The following RPGRIP1 variants were observed in gnomAD, a reference collection of about 807,000 sequenced individuals.
RPGRIP1 encodes the protein X-linked retinitis pigmentosa GTPase regulator-interacting protein 1.
In RPGRIP1, 128 loss-of-function variants were observed where a neutral mutation model predicts 157.9. The ratio of observed to expected loss-of-function variants is 0.81; its 90% CI spans 0.70 to 0.94. The LOEUF is 0.94. RPGRIP1 is among the 40% of genes least tolerant of loss of function. RPGRIP1 has a pLI of 0.00. For missense variants in RPGRIP1, 1,486 were observed against 1,545.8 expected (o/e 0.96, Z 0.65); for synonymous variants, 554 against 571.6 (o/e 0.97, Z 0.44).
rs375834040 is a variant in RPGRIP1, at chr14:21,310,660, C to A, written c.930+53C>A. On this transcript the variant is annotated intron_variant, in intron 8 of 24. Coordinates refer to ENST00000400017, the MANE Select transcript of RPGRIP1 (RefSeq NM_020366.4). ...TCTTAGTAACCAGAATAATCAAACC[C>A]AAAGAAATCTATGTTCATCTCCAAG... 11 of 1,054,454 alleles carry A rather than the reference C, an allele frequency of 1.0e-5. No homozygotes were observed. In the South Asian group the frequency reaches 1.1e-4, roughly 10 times the overall value. 65.3% of individuals were successfully genotyped at this position (1,054,454 alleles called of 1,614,324 possible).
At chr14:21,315,523 A>G (rs1881742773) in intron 10 of RPGRIP1, among the ~76,000 whole-genome samples, 1 of 112,584 alleles carries the variant, frequency 8.9e-6, no homozygotes, top group South Asian at 3.3e-4. Flanking sequence ...AAAAAAAACA[A>G]AAAACTTAAA....
rs1338535431 is a variant in RPGRIP1 at position 21,288,467 on chromosome 14, C to A, written c.85+406C>A. ...AAGGGCTGGTATTACAGGTGTGAGCCACTGTGCCTGGCCCTCTTCTCACAT... is the reference window on the plus strand; with the variant it reads ...AAGGGCTGGTATTACAGGTGTGAGCAACTGTGCCTGGCCCTCTTCTCACAT... On this transcript the variant is annotated intron_variant, in intron 2 of 24. Coordinates refer to ENST00000400017, the MANE Select transcript of RPGRIP1 (RefSeq NM_020366.4). Among the ~76,000 whole-genome samples the A allele has an allele frequency of 4.6e-5, 7 of 151,290 alleles. No individual in the cohort carries two copies. In the Admixed American group the frequency reaches 4.6e-4, roughly 10 times the overall value.
chr14:21,318,021 A>G, intron 11 of RPGRIP1, 171 bp downstream of exon 11: 1 of 704,254 alleles, frequency 1.4e-6, no homozygotes, highest in East Asian at 2.7e-5. Flanking sequence ...ACAATCAGGA[A>G]AACATGACAC....
At chr14:21,348,107 C>A in intron 23 of RPGRIP1, 65 bp from the exon 24 acceptor site, 4 of 1,280,602 alleles carry the variant, frequency 3.1e-6, no homozygotes, top group Non-Finnish European at 4.2e-6. Context: ...TTACTTTTAT[C>A]CTTATTTTAT....
At position 21,301,121 on chromosome 14, in the gene RPGRIP1, A is replaced by C; in HGVS notation, c.374A>C (p.Gln125Pro). The change falls in exon 4 of 25, where the codon CAA becomes CCA. Residue 125 changes from glutamine to proline, a missense_variant. Coordinates refer to ENST00000400017, the MANE Select transcript of RPGRIP1 (RefSeq NM_020366.4). ...MHQRPQMHRLQGHFHCVGPAS... is the reference protein window; with the variant it reads ...MHQRPQMHRLPGHFHCVGPAS... ...CAGCGCCCCCAGATGCACCGACTGC[A>C]AGGGCATTTCCACTGCGTCGGCCCT... is the stretch of plus-strand genomic sequence containing the variant. The C allele has an allele frequency of 6.2e-7, 1 of 1,607,618 alleles. No individual in the cohort carries two copies. Among genetic ancestry groups the C allele is most frequent in the Non-Finnish European group, 8.5e-7 (1 of 1,176,962 alleles).
At chr14:21,292,476 A>T (rs992305756) in intron 2 of RPGRIP1, among the ~76,000 whole-genome samples, 4 of 152,110 alleles carry the variant, frequency 2.6e-5, no homozygotes, top group African/African-American at 9.7e-5. Flanking sequence ...ATCTCAGCAC[A>T]TTGGGAGGCC....
intron 21 of RPGRIP1, among the ~76,000 whole-genome samples, chr14:21,340,610 G>T (rs774867576): frequency 6.6e-6 from 1 of 152,024 alleles, no homozygotes; most frequent in Non-Finnish European, 1.5e-5. Flanking sequence ...AGCCGACGTC[G>T]CACCGTTGCA....
rs1199391518 is a variant in RPGRIP1 at position 21,325,333 on chromosome 14, G to C, written c.2317G>C (p.Val773Leu). The change falls in exon 16 of 25, where the codon GTC becomes CTC. Residue 773 changes from valine to leucine, a missense_variant. Val to Leu is a conservative substitution (Grantham distance 32). Transcript: ENST00000400017. ...GTGCAATAAACGAAAGAAAGCCCAG[G>C]TCTACCTGTCAACCGATGTGCTTGG... ...QACNKRKKAQVYLSTDVLGGR... is the reference protein window; with the variant it reads ...QACNKRKKAQLYLSTDVLGGR... 3.1e-6 allele frequency: 5 copies of C among 1,604,012 alleles called. No homozygotes were observed. Among genetic ancestry groups the C allele is most frequent in the Non-Finnish European group, 3.4e-6 (4 of 1,175,158 alleles).
intron 17 of RPGRIP1, among the ~76,000 whole-genome samples, 185 bp downstream of exon 17, chr14:21,326,358 C>A (rs900371548): frequency 3.3e-5 from 5 of 152,194 alleles, no homozygotes; most frequent in Non-Finnish European, 7.3e-5. Context: ...TGTGGAAACA[C>A]TGGCTTCTTC....
At position 21,301,078 on chromosome 14, in the gene RPGRIP1, C is replaced by T; in HGVS notation, c.331C>T (p.Gln111Ter). 3.7e-6 allele frequency: 6 copies of T among 1,612,634 alleles called. No homozygotes were observed. Among genetic ancestry groups the T allele is most frequent in the Non-Finnish European group, 5.1e-6 (6 of 1,179,414 alleles). ...ARRGQKAGWR[Q>*]RLSMHQRPQM... ...GCGCGGGCAGAAGGCGGGATGGCGG[C>T]AGCGCCTCTCCATGCACCAGCGCCC... is the stretch of plus-strand genomic sequence containing the variant. Residue 111 changes from glutamine (Q) to a stop codon, truncating the protein, a stop_gained, in exon 4 of 25, where the codon CAG (glutamine) becomes TAG (stop). Coordinates refer to ENST00000400017, the MANE Select transcript of RPGRIP1 (RefSeq NM_020366.4). LOFTEE classifies it high-confidence loss of function.
chr14:21,300,174 G>A lies in RPGRIP1; in HGVS notation c.219-792G>A, dbSNP rs1050046661. On this transcript the variant is annotated intron_variant, in intron 3 of 24. Coordinates refer to ENST00000400017, the MANE Select transcript of RPGRIP1 (RefSeq NM_020366.4). ...GTATTTTGTGGTTAGGCGTGGTGGC[G>A]CATGCCTGTAATCCCAGCTACTCAG... Among the ~76,000 whole-genome samples the A allele has an allele frequency of 5.3e-5, 8 of 152,178 alleles. No homozygotes were observed. The East Asian group carries it at 5.8e-4, about 11-fold the overall frequency.
intron 1 of RPGRIP1, among the ~76,000 whole-genome samples, chr14:21,284,342 G>A (rs1880228766): frequency 6.6e-6 from 1 of 152,098 alleles, no homozygotes; most frequent in African/African-American, 2.4e-5. Context: ...GAACCTAAAG[G>A]TAGGAACAGA....
At chr14:21,297,877 C>CTTTCTTTCTTTCTTT (rs1555365066) in intron 3 of RPGRIP1, among the ~76,000 whole-genome samples, 1 of 150,056 alleles carries the variant, frequency 6.7e-6, no homozygotes, top group African/African-American at 2.5e-5. Context: ...TTCTTTCTTT[C>CTTTCTTTCTTTCTTT]TTTTTTTTGA....
intron 3 of RPGRIP1, among the ~76,000 whole-genome samples, chr14:21,297,262 T>C (rs1012220663): frequency 2.0e-5 from 3 of 151,954 alleles, no homozygotes; most frequent in Non-Finnish European, 2.9e-5. Flanking sequence ...GCCTGACTAA[T>C]TTTTGTATTT....
At position 21,314,541 on chromosome 14, in the gene RPGRIP1, C is replaced by A. The variant is rs528578293; in HGVS notation, c.1151+2035C>A. Among the ~76,000 whole-genome samples the A allele has an allele frequency of 5.8e-4, 88 of 150,962 alleles. 1 individual carries two copies. The highest frequency in any genetic ancestry group is 1.9e-3 in the African/African-American group (80 of 41,130). ...CTGAGGCAGGAGGATCGCTGGAGCT[C>A]AGGAGTTCACGACCAGCCTGGGCAA... On this transcript the variant is annotated intron_variant, in intron 10 of 24. Transcript: ENST00000400017.
intron 4 of RPGRIP1, among the ~76,000 whole-genome samples, chr14:21,301,480 A>G (rs937426085): frequency 1.6e-4 from 24 of 152,020 alleles, no homozygotes; most frequent in Non-Finnish European, 2.9e-4. Context: ...GATGGAGACC[A>G]TCCTTGTCCA....
chr14:21,325,743 A>G, intron 16 of RPGRIP1, 88 bp from the exon 17 acceptor site: 2 of 972,192 alleles, frequency 2.1e-6, no homozygotes, highest in Non-Finnish European at 3.1e-6. Flanking sequence ...TCTCTAGATC[A>G]TAGCTCTTCC....
In RPGRIP1 at chr14:21,325,324, A is replaced by C. The variant is rs745694912; in HGVS notation, c.2308A>C (p.Lys770Gln). ...PSLQACNKRK[K>Q]AQVYLSTDVL... ...CCTACAGGCGTGCAATAAACGAAAG[A>C]AAGCCCAGGTCTACCTGTCAACCGA... Residue 770 changes from lysine to glutamine, a missense_variant, in exon 16 of 25, where the codon AAA becomes CAA. Physicochemically the swap from Lys to Gln is moderately conservative, Grantham distance 53. Coordinates refer to ENST00000400017, the MANE Select transcript of RPGRIP1 (RefSeq NM_020366.4). The C allele has an allele frequency of 1.2e-6, 2 of 1,607,498 alleles. No homozygotes were observed. Among genetic ancestry groups the C allele is most frequent in the Non-Finnish European group, 1.7e-6 (2 of 1,176,834 alleles).
intron 23 of RPGRIP1, 82 bp from the exon 24 acceptor site, chr14:21,348,086 ATTGT>A: frequency 1.8e-6 from 2 of 1,114,706 alleles, no homozygotes; most frequent in African/African-American, 1.6e-5. Context: ...AAGACGTTGT[ATTGT>A]TTATGATTAC....
Sources: allele counts gnomAD v4.1 joint callset (sites outside exome capture counted in the v4.1 genomes callset), GRCh38; gene constraint gnomAD v4.1.1; transcripts MANE v1.5; gene names NCBI Gene and HGNC (gene_info 2026-07-23, HGNC 2026-07-21).